The following CEMIP2 variants were observed in gnomAD, a reference collection of about 807,000 sequenced individuals.
CEMIP2 encodes the protein cell surface hyaluronidase CEMIP2.
In CEMIP2, 79 loss-of-function variants were observed where a neutral mutation model predicts 146.9. The ratio of observed to expected loss-of-function variants is 0.54; its 90% confidence interval spans 0.45 to 0.65. CEMIP2 has a LOEUF of 0.65. CEMIP2 is among the 30% of genes least tolerant of loss of function. The pLI is 0.00. For synonymous variants in CEMIP2, 601 were observed against 606.3 expected (o/e 0.99, Z 0.13); for missense variants, 1,596 against 1,696.2 (o/e 0.94, Z 1.04).
intron 5 of CEMIP2, among the ~76,000 whole-genome samples, chr9:71,736,045 G>A (rs1216224132): frequency 2.0e-5 from 3 of 152,152 alleles, no homozygotes; most frequent in African/African-American, 7.2e-5. Flanking sequence ...AGTGAGCCAC[G>A]ACTGTGCCAC....
chr9:71,685,175 G>T lies in CEMIP2; in HGVS notation c.*22C>A. ...GTTAGTTCACATTTTTTTTCCCCCA[G>T]CACTTAAGTTACAGTTAGTCTCTAA... On this transcript the variant is annotated 3_prime_UTR_variant, in exon 24 of 24. Transcript: ENST00000377044. 1 of 1,554,636 alleles carries T rather than the reference G, an allele frequency of 6.4e-7. No homozygotes were observed. The highest frequency in any genetic ancestry group is 1.2e-5 in the South Asian group (1 of 82,696).
At chr9:71,704,085 C>T (rs971912134) in intron 18 of CEMIP2, among the ~76,000 whole-genome samples, 2 of 152,108 alleles carry the variant, frequency 1.3e-5, no homozygotes, top group African/African-American at 4.8e-5. Context: ...GTGATTAGAA[C>T]AGACAACTGA....
At chr9:71,763,359 C>T (rs1824695718) in intron 1 of CEMIP2, among the ~76,000 whole-genome samples, 1 of 152,066 alleles carries the variant, frequency 6.6e-6, no homozygotes, top group Non-Finnish European at 1.5e-5. Flanking sequence ...CTGACCTGAC[C>T]ACGATATCAA....
chr9:71,733,693 A>G (rs1027237), intron 6 of CEMIP2, among the ~76,000 whole-genome samples: 68,316 of 152,086 alleles, frequency 0.45, 18,162 homozygotes, highest in East Asian at 0.6. Context: ...TGAGTTCAAA[A>G]GAAAAGCAAT....
At chr9:71,760,814 G>A (rs1267694032) in intron 1 of CEMIP2, among the ~76,000 whole-genome samples, 1 of 152,142 alleles carries the variant, frequency 6.6e-6, no homozygotes, top group East Asian at 1.9e-4. Flanking sequence ...CAGAGAGATA[G>A]ATTGTTCTTC....
intron 1 of CEMIP2, 132 bp from the exon 2 acceptor site, chr9:71,750,517 C>T (rs1019359529): frequency 1.1e-5 from 7 of 658,380 alleles, no homozygotes; most frequent in Non-Finnish European, 1.7e-5. Flanking sequence ...TCTCGGCTCA[C>T]CGCCACCTCT....
intron 20 of CEMIP2, among the ~76,000 whole-genome samples, chr9:71,695,954 T>C (rs1822389150): frequency 6.6e-6 from 1 of 151,840 alleles, no homozygotes; most frequent in South Asian, 2.1e-4. Flanking sequence ...CGCCTCTATA[T>C]TTAAGAAAAA....
chr9:71,728,302 CATAT>C lies in CEMIP2; in HGVS notation c.2049+1539_2049+1542del, dbSNP rs1491360011. Among the ~76,000 whole-genome samples the C allele has an allele frequency of 4.4e-3, 51 of 11,572 alleles. 13 individuals are homozygous for C. Among genetic ancestry groups the C allele is most frequent in the Admixed American group, 0.017 (10 of 574 alleles). The allele number at this position is 11,572 out of a possible 152,430, so 7.6% of individuals were successfully genotyped here. ...ATATGTATATATATATATATATATA[CATAT>C]ATATATATATACGTATATATATATA... On this transcript the variant is annotated intron_variant, in intron 10 of 23. Transcript: ENST00000377044.
chr9:71,728,241 A>ATATG lies in CEMIP2; in HGVS notation c.2049+1603_2049+1604insCATA, dbSNP rs1823462026. 4.2e-5 allele frequency among the ~76,000 whole-genome samples: 2 copies of ATATG among 48,082 alleles called. 1 individual carries two copies. The highest frequency in any genetic ancestry group is 9.1e-5 in the Non-Finnish European group (2 of 21,980). The allele number at this position is 48,082 out of a possible 152,430, so 31.5% of individuals were successfully genotyped here. On this transcript the variant is annotated intron_variant, in intron 10 of 23. Transcript: ENST00000377044. ...TCTCTCTCTCTCTCTCTATATATATATATATATATGTATATACACGTATAT... is the reference window on the plus strand; with the variant it reads ...TCTCTCTCTCTCTCTCTATATATATATATGTATATATATGTATATACACGTATAT...
At chr9:71,704,393 A>G in intron 18 of CEMIP2, 2 of 605,062 alleles carry the variant, frequency 3.3e-6, no homozygotes, top group South Asian at 4.0e-5. Flanking sequence ...CACAGAGAAA[A>G]AAAAAGCTTT....
chr9:71,746,102 C>A (rs766116956), intron 3 of CEMIP2, 99 bp downstream of exon 3: 23 of 1,362,602 alleles, frequency 1.7e-5, no homozygotes, highest in Non-Finnish European at 2.3e-5. Context: ...AAACTAAAGC[C>A]TATTCTGCCT....
chr9:71,718,519 T>A (rs1034920273), intron 12 of CEMIP2, among the ~76,000 whole-genome samples: 2 of 152,186 alleles, frequency 1.3e-5, no homozygotes, highest in Non-Finnish European at 2.9e-5. Flanking sequence ...TGTTTAGATA[T>A]AGACAAAACT....
intron 17 of CEMIP2, among the ~76,000 whole-genome samples, chr9:71,707,718 C>A: frequency 6.6e-6 from 1 of 152,154 alleles, no homozygotes; most frequent in East Asian, 1.9e-4. Flanking sequence ...CGGATCCTCC[C>A]CAGGAAGAGC....
intron 19 of CEMIP2, among the ~76,000 whole-genome samples, chr9:71,698,570 G>A (rs1298721879): frequency 1.3e-5 from 2 of 150,448 alleles, no homozygotes; most frequent in African/African-American, 4.9e-5. Flanking sequence ...AAATTAGTGT[G>A]GTTCATTCTT....
rs1251186807 is a variant in CEMIP2 at position 71,730,083 on chromosome 9, A to C, written c.1944T>G (p.Phe648Leu). 1.9e-6 allele frequency: 3 copies of C among 1,614,192 alleles called. No individual in the cohort carries two copies. Among genetic ancestry groups the C allele is most frequent in the Middle Eastern group, 3.3e-4 (2 of 6,062 alleles). The change falls in exon 9 of 24, where the codon TTT becomes TTG. Residue 648 changes from phenylalanine (F) to leucine (L), a missense_variant. Physicochemically the swap from Phe to Leu is conservative, Grantham distance 22. Coordinates refer to ENST00000377044, the MANE Select transcript of CEMIP2 (RefSeq NM_013390.3). ...TAGCAGGCACAGGAATGTAATTTCC[A>C]AACACTTTATCTCGCATGGTGGTAC... The part of the protein sequence containing the change: ...SMCTTMRDKV[F>L]GNYIPVPATD...
rs1823008565 is a variant in CEMIP2, at chr9:71,715,086, A to G, written c.2439T>C (p.Asp813=). Residue 813 remains aspartate (D), a synonymous_variant, in exon 15 of 24, where the codon GAT becomes GAC. Coordinates refer to ENST00000377044, the MANE Select transcript of CEMIP2 (RefSeq NM_013390.3). The part of the protein sequence containing the change: ...DNGIGLTFAS[D]GSFPSDEGSS... ...AACCTTCATCACTTGGGAAGCTTCC[A>G]TCACTGTTAAAATGCGAACAATCAT... The G allele has an allele frequency of 6.2e-7, 1 of 1,613,278 alleles. No individual in the cohort carries two copies. The highest frequency in any genetic ancestry group is 2.2e-5 in the East Asian group (1 of 44,862).
At chr9:71,699,462 A>AAAG (rs1563997342) in intron 19 of CEMIP2, 76 of 419,888 alleles carry the variant, frequency 1.8e-4, no homozygotes, top group South Asian at 8.4e-4. Flanking sequence ...TAAAAAAAAA[A>AAAG]AAAGAAAGAA....
intron 3 of CEMIP2, 31 bp downstream of exon 3, chr9:71,746,170 G>A (rs780094071): frequency 1.2e-6 from 2 of 1,604,944 alleles, no homozygotes; most frequent in Non-Finnish European, 1.7e-6. Flanking sequence ...GAGCAACCTT[G>A]CAGTTCCCAT....
At chr9:71,762,216 G>A (rs1191951310) in intron 1 of CEMIP2, among the ~76,000 whole-genome samples, 1 of 152,104 alleles carries the variant, frequency 6.6e-6, no homozygotes, top group East Asian at 1.9e-4. Context: ...TTTCCTCTAT[G>A]TTCCTCAAGA....
Sources: allele counts gnomAD v4.1 joint callset (sites outside exome capture counted in the v4.1 genomes callset), GRCh38; gene constraint gnomAD v4.1.1; transcripts MANE v1.5; gene names NCBI Gene and HGNC (gene_info 2026-07-23, HGNC 2026-07-21).